Variants in B3GALT1 observed in about 807,000 individuals in gnomAD.
The protein encoded by B3GALT1 is UDP-Gal:betaGlcNAc beta 1,3-galactosyltransferase, polypeptide 1.
Under a neutral mutation model 23.2 loss-of-function variants are expected in B3GALT1, and 10 were observed. The ratio of observed to expected loss-of-function variants is 0.43; its 90% CI spans 0.27 to 0.73. B3GALT1 has a LOEUF of 0.73. Ranked by LOEUF, B3GALT1 falls within the 30% of genes least tolerant of loss-of-function variation. The pLI is 0.21. For missense variants in B3GALT1, 299 were observed against 405.4 expected, an observed-to-expected ratio of 0.74 and a Z score of 2.25; for synonymous variants, 156 against 141.5, an observed-to-expected ratio of 1.10 and a Z score of -0.73.
intron 1 of B3GALT1, among the ~76,000 whole-genome samples, chr2:167,440,901 A>G (rs371351540): frequency 1.1e-4 from 16 of 152,158 alleles, no homozygotes; most frequent in African/African-American, 3.1e-4. Context: ...TTAGCCTTCA[A>G]TATTATTAGA....
intron 1 of B3GALT1, among the ~76,000 whole-genome samples, chr2:167,404,841 A>C (rs1698249201): frequency 6.6e-6 from 1 of 152,188 alleles, no homozygotes; most frequent in South Asian, 2.1e-4. Flanking sequence ...GTTTATGATA[A>C]TTAGGATGCT....
chr2:167,464,878 AT>A (rs1256960859), intron 1 of B3GALT1, among the ~76,000 whole-genome samples: 2 of 152,184 alleles, frequency 1.3e-5, no homozygotes, highest in Non-Finnish European at 2.9e-5. Context: ...TCAAATTTGT[AT>A]TGGCATTGTG....
At chr2:167,650,865 T>A (rs1360124665) in intron 3 of B3GALT1, among the ~76,000 whole-genome samples, 1 of 152,086 alleles carries the variant, frequency 6.6e-6, no homozygotes, top group African/African-American at 2.4e-5. Flanking sequence ...TGAAAGTAAA[T>A]CTAAATGGAA....
chr2:167,675,389 C>T (rs1330070175), intron 3 of B3GALT1, among the ~76,000 whole-genome samples: 1 of 152,180 alleles, frequency 6.6e-6, no homozygotes, highest in Non-Finnish European at 1.5e-5. Flanking sequence ...AAACTACCTG[C>T]ACAGACTATT....
At chr2:167,550,613 T>C (rs942089786) in intron 2 of B3GALT1, among the ~76,000 whole-genome samples, 2 of 152,186 alleles carry the variant, frequency 1.3e-5, no homozygotes, top group African/African-American at 4.8e-5. Context: ...CTGTACCATA[T>C]AAAAATAGTG....
chr2:167,615,403 A>C (rs1685142820), intron 2 of B3GALT1, among the ~76,000 whole-genome samples: 1 of 151,972 alleles, frequency 6.6e-6, no homozygotes, highest in Admixed American at 6.6e-5. Flanking sequence ...TGAGGAGAGT[A>C]GGAATTGGGG....
chr2:167,464,300 C>T (rs1043778795), intron 1 of B3GALT1, among the ~76,000 whole-genome samples: 1 of 152,008 alleles, frequency 6.6e-6, no homozygotes, highest in Non-Finnish European at 1.5e-5. Flanking sequence ...AATGGAAATG[C>T]AAGTTCTTGA....
In B3GALT1 at chr2:167,832,514, C is replaced by T. The variant is rs576227759; in HGVS notation, c.-230+13721C>T. ...AAGTTATGAGAATCTCACTTTTAAC[C>T]ACCATATACTTAAAAATACAAATTT... On this transcript the variant is annotated intron_variant, in intron 4 of 4. Transcript: ENST00000392690. Among the ~76,000 whole-genome samples, 3 of 152,256 alleles carry T rather than the reference C, an allele frequency of 2.0e-5. No individual in the cohort carries two copies. In the South Asian group the frequency reaches 6.2e-4, roughly 32 times the overall value.
intron 2 of B3GALT1, among the ~76,000 whole-genome samples, chr2:167,526,706 A>G (rs928031856): frequency 6.6e-6 from 1 of 152,210 alleles, no homozygotes; most frequent in African/African-American, 2.4e-5. Flanking sequence ...TACAGTATCA[A>G]AGCTTAGGTA....
chr2:167,401,125 T>C (rs539040631), intron 1 of B3GALT1, among the ~76,000 whole-genome samples: 132 of 152,190 alleles, frequency 8.7e-4, no homozygotes, highest in African/African-American at 3.1e-3. Context: ...TTCTTGCCTC[T>C]GGAAAAGCCT....
intron 1 of B3GALT1, among the ~76,000 whole-genome samples, chr2:167,417,692 G>T (rs982614571): frequency 6.6e-6 from 1 of 152,152 alleles, no homozygotes; most frequent in East Asian, 1.9e-4. Context: ...TAGGAATAAG[G>T]GTTAGTCTAC....
chr2:167,490,518 A>G (rs16853638), intron 2 of B3GALT1, among the ~76,000 whole-genome samples: 7,227 of 152,314 alleles, frequency 0.047, 580 homozygotes, highest in African/African-American at 0.17. Context: ...GCATCAGTCT[A>G]ACCACTTTGG....
intron 3 of B3GALT1, among the ~76,000 whole-genome samples, chr2:167,658,254 A>C (rs971386087): frequency 6.6e-6 from 1 of 152,114 alleles, no homozygotes; most frequent in African/African-American, 2.4e-5. Flanking sequence ...AAAAATATCA[A>C]ATAGTAAATG....
chr2:167,355,306 C>T (rs1697382442), intron 1 of B3GALT1, among the ~76,000 whole-genome samples: 1 of 152,192 alleles, frequency 6.6e-6, no homozygotes, highest in African/African-American at 2.4e-5. Flanking sequence ...AGTGAGCTAA[C>T]TTTCTTGGTT....
At chr2:167,701,872 C>T (rs189004709) in intron 3 of B3GALT1, among the ~76,000 whole-genome samples, 53 of 152,246 alleles carry the variant, frequency 3.5e-4, no homozygotes, top group African/African-American at 1.3e-3. Flanking sequence ...CCTTTGTGAG[C>T]TCTTTGGTGC....
At chr2:167,538,701 C>A (rs1377964442) in intron 2 of B3GALT1, among the ~76,000 whole-genome samples, 3 of 152,118 alleles carry the variant, frequency 2.0e-5, no homozygotes, top group African/African-American at 7.2e-5. Flanking sequence ...AAGAAAATAA[C>A]TATGGTTTAT....
intron 1 of B3GALT1, among the ~76,000 whole-genome samples, chr2:167,354,504 G>A (rs369090755): frequency 6.6e-6 from 1 of 151,874 alleles, no homozygotes; most frequent in Admixed American, 6.6e-5. Context: ...GTGCCACCAC[G>A]CCCAGCTAAT....
chr2:167,762,338 C>A (rs1558971147), intron 3 of B3GALT1, among the ~76,000 whole-genome samples: 1 of 152,094 alleles, frequency 6.6e-6, no homozygotes, highest in Non-Finnish European at 1.5e-5. Flanking sequence ...ACTATTTCTT[C>A]TTCTACTCTG....
chr2:167,735,070 A>G (rs1482399385), intron 3 of B3GALT1, among the ~76,000 whole-genome samples: 1 of 152,204 alleles, frequency 6.6e-6, no homozygotes, highest in Non-Finnish European at 1.5e-5. Flanking sequence ...ACAATATTTC[A>G]GCTGTCTCTG....
Sources: gnomAD v4.1 joint callset for allele counts (sites outside exome capture counted in the v4.1 genomes callset) on GRCh38, gnomAD v4.1.1 for gene constraint, MANE v1.5 for transcripts, NCBI Gene and HGNC (gene_info 2026-07-23, HGNC 2026-07-21) for gene names.